CSNK2A2IP: variants seen among roughly 807,000 people sequenced by gnomAD.
CSNK2A2IP encodes the protein casein kinase II subunit alpha'-interacting protein.
At chr3:88,415,228 T>C in the CSNK2A2IP span, among the ~76,000 whole-genome samples, 6 of 152,150 alleles carry the variant, frequency 3.9e-5, no homozygotes, top group African/African-American at 1.2e-4. Context: ...AACCAAAATT[T>C]TGCAAGTAAC....
chr3:88,466,994 C>T, the CSNK2A2IP span: 7 of 1,224,984 alleles, frequency 5.7e-6, no homozygotes, highest in Non-Finnish European at 2.0e-6. Flanking sequence ...AATGAAGTCC[C>T]TGAAGACAAC....
the CSNK2A2IP span, among the ~76,000 whole-genome samples, chr3:88,371,486 T>A: frequency 1.3e-5 from 2 of 151,736 alleles, no homozygotes; most frequent in Admixed American, 1.3e-4. Flanking sequence ...AACATGAACA[T>A]AGTTCAATAT....
the CSNK2A2IP span, among the ~76,000 whole-genome samples, chr3:88,374,269 G>A: frequency 6.5e-4 from 98 of 151,716 alleles, no homozygotes; most frequent in East Asian, 0.012. Context: ...TGTATATTTC[G>A]GTGCGAGGCA....
the CSNK2A2IP span, among the ~76,000 whole-genome samples, chr3:88,355,074 A>G: frequency 6.6e-6 from 1 of 152,170 alleles, no homozygotes; most frequent in South Asian, 2.1e-4. Context: ...ACATGCCAGC[A>G]ATGCAAAGTA....
the CSNK2A2IP span, among the ~76,000 whole-genome samples, chr3:88,423,152 T>G: frequency 6.6e-6 from 1 of 152,202 alleles, no homozygotes; most frequent in Non-Finnish European, 1.5e-5. Flanking sequence ...TGACATCAGT[T>G]GAGCAATCCT....
chr3:88,351,596 C>T, the CSNK2A2IP span, among the ~76,000 whole-genome samples: 1 of 152,034 alleles, frequency 6.6e-6, no homozygotes, highest in South Asian at 2.1e-4. Flanking sequence ...AATGATATCA[C>T]ACCGTATACT....
At chr3:88,417,225 T>C in the CSNK2A2IP span, among the ~76,000 whole-genome samples, 1 of 152,112 alleles carries the variant, frequency 6.6e-6, no homozygotes, top group Non-Finnish European at 1.5e-5. Flanking sequence ...AATATCCACA[T>C]TTGTTAGTAT....
the CSNK2A2IP span, among the ~76,000 whole-genome samples, chr3:88,423,023 G>GA: frequency 6.6e-6 from 1 of 152,112 alleles, no homozygotes; most frequent in African/African-American, 2.4e-5. Context: ...CCTGATCCTT[G>GA]AAGAAGCCTG....
At chr3:88,419,235 CT>C in the CSNK2A2IP span, among the ~76,000 whole-genome samples, 1 of 152,156 alleles carries the variant, frequency 6.6e-6, no homozygotes, top group African/African-American at 2.4e-5. Context: ...CTCCCACCCC[CT>C]GGTCTGTGGA....
At chr3:88,413,091 A>G in the CSNK2A2IP span, among the ~76,000 whole-genome samples, 1 of 152,054 alleles carries the variant, frequency 6.6e-6, no homozygotes, top group Non-Finnish European at 1.5e-5. Context: ...TTGAATTAGT[A>G]TATTAATGCC....
chr3:88,354,478 G>T, the CSNK2A2IP span, among the ~76,000 whole-genome samples: 156 of 152,314 alleles, frequency 1.0e-3, no homozygotes, highest in African/African-American at 3.4e-3. Context: ...TTGAGAAGCT[G>T]TGTAGTTAAT....
chr3:88,375,197 A>C, the CSNK2A2IP span, among the ~76,000 whole-genome samples: 3 of 151,854 alleles, frequency 2.0e-5, no homozygotes, highest in African/African-American at 7.2e-5. Flanking sequence ...AGTGTCCGTT[A>C]GTTCTCTTTC....
At chr3:88,358,830 G>A in the CSNK2A2IP span, among the ~76,000 whole-genome samples, 1 of 152,112 alleles carries the variant, frequency 6.6e-6, no homozygotes, top group Non-Finnish European at 1.5e-5. Flanking sequence ...TGGTGTCAGG[G>A]TAATTCTAGC....
At chr3:88,395,409 C>T in the CSNK2A2IP span, among the ~76,000 whole-genome samples, 1 of 152,260 alleles carries the variant, frequency 6.6e-6, no homozygotes, top group East Asian at 1.9e-4. Context: ...TACTCCAACA[C>T]CATTTGGTGA....
the CSNK2A2IP span, chr3:88,465,778 C>T: frequency 3.2e-6 from 4 of 1,231,704 alleles, no homozygotes; most frequent in Non-Finnish European, 3.0e-6. Context: ...GACATCATCA[C>T]TGGAGCTCAA....
chr3:88,414,145 C>T, the CSNK2A2IP span, among the ~76,000 whole-genome samples: 15 of 148,898 alleles, frequency 1.0e-4, no homozygotes, highest in South Asian at 3.2e-3. Flanking sequence ...GATAAAAGTA[C>T]AATACTTTAC....
chr3:88,444,614 T>C, the CSNK2A2IP span, among the ~76,000 whole-genome samples: 5 of 152,308 alleles, frequency 3.3e-5, no homozygotes, highest in Non-Finnish European at 7.4e-5. Context: ...GATCCAGAAA[T>C]GTTATGTATA....
the CSNK2A2IP span, among the ~76,000 whole-genome samples, chr3:88,423,742 C>A: frequency 8.2e-3 from 1,241 of 152,176 alleles, 16 homozygotes; most frequent in Non-Finnish European, 0.01. Flanking sequence ...AAAAAGGTGG[C>A]AGTTTAGATA....
the CSNK2A2IP span, among the ~76,000 whole-genome samples, chr3:88,449,872 T>TAGAGAGAGAGAGAGAGAGAG: frequency 3.8e-5 from 3 of 79,048 alleles, no homozygotes; most frequent in Non-Finnish European, 5.7e-5. Flanking sequence ...TATATATATA[T>TAGAGAGAGAGAGAGAGAGAG]ATAGAGAGAG....
Sources: allele counts gnomAD v4.1 joint callset (sites outside exome capture counted in the v4.1 genomes callset), GRCh38; gene constraint gnomAD v4.1.1; transcripts MANE v1.5; gene names NCBI Gene and HGNC (gene_info 2026-07-23, HGNC 2026-07-21).